The following CUX2 variants were observed in gnomAD, a reference collection of about 807,000 sequenced individuals.
CUX2 encodes homeobox protein cut-like 2.
A neutral mutation model predicts 144.8 loss-of-function variants in CUX2; 40 were observed. The ratio of observed to expected loss-of-function variants is 0.28; its 90% CI spans 0.21 to 0.36. CUX2 has a LOEUF of 0.36. Among genes scored for constraint, CUX2 ranks in the 10% least tolerant of loss-of-function variants. The pLI, the probability that CUX2 is intolerant of heterozygous loss-of-function variation, is 1.00. For missense variants in CUX2, 1,615 were observed against 1,994.0 expected, an observed-to-expected ratio of 0.81 and a Z score of 3.62; for synonymous variants, 827 against 875.6, an observed-to-expected ratio of 0.94 and a Z score of 0.98.
At chr12:111,038,732 A>G (rs1869583660) in intron 1 of CUX2, among the ~76,000 whole-genome samples, 2 of 152,254 alleles carry the variant, frequency 1.3e-5, no homozygotes, top group Non-Finnish European at 2.9e-5. Flanking sequence ...GCTAGAAGAA[A>G]AAACAAGCAA....
chr12:111,042,796 CTTT>C (rs770921301), intron 1 of CUX2, among the ~76,000 whole-genome samples: 22 of 138,742 alleles, frequency 1.6e-4, no homozygotes, highest in Admixed American at 2.2e-4. Context: ...CCACGCCTGG[CTTT>C]TTTTTTTTTT....
At chr12:111,339,383 G>A (rs529170101) in intron 20 of CUX2, 1 of 152,346 alleles carries the variant, frequency 6.6e-6, no homozygotes, top group Admixed American at 6.5e-5. Context: ...TCAGCCCCCT[G>A]TTTTGTAGAT....
intron 1 of CUX2, among the ~76,000 whole-genome samples, chr12:111,192,587 C>G (rs913656778): frequency 6.6e-6 from 1 of 152,190 alleles, no homozygotes; most frequent in Non-Finnish European, 1.5e-5. Flanking sequence ...CTTCCCCCAC[C>G]AGGAACCCTA....
intron 1 of CUX2, among the ~76,000 whole-genome samples, chr12:111,206,163 C>T (rs1880909781): frequency 6.6e-6 from 1 of 152,132 alleles, no homozygotes; most frequent in Admixed American, 6.5e-5. Flanking sequence ...TAGCAAGGCC[C>T]TGTCTTTACA....
chr12:111,105,300 G>A (rs916388319), intron 1 of CUX2, among the ~76,000 whole-genome samples: 2 of 152,222 alleles, frequency 1.3e-5, no homozygotes, highest in Admixed American at 1.3e-4. Flanking sequence ...GGGTTTGGGG[G>A]TTTTGGAATG....
At chr12:111,159,303 C>A (rs552723931) in intron 1 of CUX2, among the ~76,000 whole-genome samples, 1 of 149,218 alleles carries the variant, frequency 6.7e-6, no homozygotes, top group African/African-American at 2.5e-5. Context: ...TGTGCGCCAC[C>A]ATGCCCAGCT....
At chr12:111,301,722 T>C (rs1455687635) in intron 9 of CUX2, among the ~76,000 whole-genome samples, 1 of 152,220 alleles carries the variant, frequency 6.6e-6, no homozygotes, top group African/African-American at 2.4e-5. Context: ...CAAGCTGGTC[T>C]CAAACTCGTG....
chr12:111,205,493 G>A (rs533018024), intron 1 of CUX2, among the ~76,000 whole-genome samples: 1 of 152,172 alleles, frequency 6.6e-6, no homozygotes, highest in Non-Finnish European at 1.5e-5. Context: ...AATGCCCACT[G>A]TGCACCAGGC....
intron 1 of CUX2, among the ~76,000 whole-genome samples, chr12:111,106,147 G>T (rs953401336): frequency 1.5e-4 from 22 of 151,424 alleles, no homozygotes; most frequent in African/African-American, 4.9e-4. Context: ...CTGTAGGCTG[G>T]TACCACCATA....
At chr12:111,047,059 T>TGA (rs1870029926) in intron 1 of CUX2, among the ~76,000 whole-genome samples, 1 of 152,156 alleles carries the variant, frequency 6.6e-6, no homozygotes, top group South Asian at 2.1e-4. Context: ...CAGGGGAAGG[T>TGA]GAGAGAAAGC....
At chr12:111,256,596 T>C (rs1883829392) in intron 3 of CUX2, among the ~76,000 whole-genome samples, 1 of 152,004 alleles carries the variant, frequency 6.6e-6, no homozygotes, top group East Asian at 1.9e-4. Context: ...AGTTGTGCAG[T>C]CTCGATGGCA....
At chr12:111,047,238 C>T (rs1398807811) in intron 1 of CUX2, among the ~76,000 whole-genome samples, 1 of 152,162 alleles carries the variant, frequency 6.6e-6, no homozygotes, top group Non-Finnish European at 1.5e-5. Context: ...TGATTGCTGC[C>T]GTGGTCATTA....
At chr12:111,046,012 G>T (rs760197578) in intron 1 of CUX2, among the ~76,000 whole-genome samples, 4 of 152,148 alleles carry the variant, frequency 2.6e-5, no homozygotes, top group Admixed American at 2.6e-4. Flanking sequence ...CTAGAGATTC[G>T]TTTGCAGTAT....
At chr12:111,242,262 G>T (rs192940901) in intron 3 of CUX2, among the ~76,000 whole-genome samples, 6 of 152,322 alleles carry the variant, frequency 3.9e-5, no homozygotes, top group Admixed American at 3.9e-4. Flanking sequence ...AAGGTTGAGT[G>T]ACTTTCCTAA....
At chr12:111,136,088 G>A (rs1875865910) in intron 1 of CUX2, among the ~76,000 whole-genome samples, 1 of 152,100 alleles carries the variant, frequency 6.6e-6, no homozygotes, top group Admixed American at 6.6e-5. Flanking sequence ...TTGGAGTAGA[G>A]GGGTGAGGTC....
At chr12:111,337,993 C>A (rs541378855) in intron 19 of CUX2, among the ~76,000 whole-genome samples, 1 of 152,168 alleles carries the variant, frequency 6.6e-6, no homozygotes, top group African/African-American at 2.4e-5. Flanking sequence ...CAAGATCATG[C>A]CACTACGCTC....
chr12:111,070,385 CTTCCTTCT>C (rs1294626318), intron 1 of CUX2, among the ~76,000 whole-genome samples: 23 of 115,718 alleles, frequency 2.0e-4, no homozygotes, highest in African/African-American at 1.0e-3. Context: ...TTCTTCCTTC[CTTCCTTCT>C]TTCCTTCCTT....
At chr12:111,091,092 C>T (rs1182562327) in intron 1 of CUX2, among the ~76,000 whole-genome samples, 2 of 152,182 alleles carry the variant, frequency 1.3e-5, no homozygotes, top group Non-Finnish European at 2.9e-5. Context: ...GGAATTCAGT[C>T]ACTCTCAGCC....
intron 16 of CUX2, among the ~76,000 whole-genome samples, chr12:111,313,297 C>G (rs949229224): frequency 1.3e-5 from 2 of 150,828 alleles, no homozygotes; most frequent in African/African-American, 4.9e-5. Flanking sequence ...TCTTGAACTC[C>G]TGACCTCGTG....
Sources: allele counts gnomAD v4.1 joint callset (sites outside exome capture counted in the v4.1 genomes callset), GRCh38; gene constraint gnomAD v4.1.1; transcripts MANE v1.5; gene names NCBI Gene and HGNC (gene_info 2026-07-23, HGNC 2026-07-21).